SPECC1: variants seen among roughly 807,000 people sequenced by gnomAD.
The protein encoded by SPECC1 is sperm antigen with calponin homology and coiled-coil domains 1.
In SPECC1, 62 loss-of-function variants were observed where a neutral mutation model predicts 104.1. That is an observed-to-expected ratio of 0.60 (90% CI 0.49 to 0.74). The LOEUF (loss-of-function observed/expected upper bound fraction) is 0.74, where lower values mean the gene tolerates loss of function less well. Among genes scored for constraint, SPECC1 ranks in the 30% least tolerant of loss-of-function variants. SPECC1 has a pLI of 0.00. For missense variants in SPECC1, 1,306 were observed against 1,310.5 expected, an observed-to-expected ratio of 1.00 and a Z score of 0.05; for synonymous variants, 513 against 501.6, an observed-to-expected ratio of 1.02 and a Z score of -0.30.
At chr17:20,209,352 G>A (rs920131693) in intron 4 of SPECC1, among the ~76,000 whole-genome samples, 4 of 152,148 alleles carry the variant, frequency 2.6e-5, no homozygotes, top group Admixed American at 6.5e-5. Flanking sequence ...AGGGGAAAGT[G>A]GTGCCAAACC....
intron 4 of SPECC1, among the ~76,000 whole-genome samples, chr17:20,222,396 CAT>C (rs2037938542): frequency 6.6e-6 from 1 of 152,116 alleles, no homozygotes; most frequent in Admixed American, 6.5e-5. Flanking sequence ...TGAGAAGAAT[CAT>C]GTGCTGAGGA....
At chr17:20,250,989 G>T (rs2039604285) in intron 9 of SPECC1, among the ~76,000 whole-genome samples, 1 of 152,046 alleles carries the variant, frequency 6.6e-6, no homozygotes, top group Non-Finnish European at 1.5e-5. Context: ...CACTTTGGGA[G>T]GCCAAGGTAG....
intron 3 of SPECC1, among the ~76,000 whole-genome samples, chr17:20,188,326 T>G (rs1338520165): frequency 6.6e-6 from 1 of 151,356 alleles, no homozygotes; most frequent in Admixed American, 6.6e-5. Flanking sequence ...TGGTGTGATC[T>G]CGGCTCACTG....
chr17:20,095,071 G>T (rs2047580734), intron 1 of SPECC1, among the ~76,000 whole-genome samples: 1 of 152,200 alleles, frequency 6.6e-6, no homozygotes, highest in Non-Finnish European at 1.5e-5. Flanking sequence ...CTCCGGCTCT[G>T]TTCATTCATT....
intron 12 of SPECC1, among the ~76,000 whole-genome samples, chr17:20,286,800 T>C (rs970551469): frequency 2.0e-5 from 3 of 152,230 alleles, no homozygotes; most frequent in African/African-American, 7.2e-5. Context: ...AGCTCCTGGC[T>C]GCCCAGGGCT....
chr17:20,269,067 C>G (rs2040311587), intron 12 of SPECC1, among the ~76,000 whole-genome samples: 1 of 152,192 alleles, frequency 6.6e-6, no homozygotes, highest in African/African-American at 2.4e-5. Context: ...GGGCACATCC[C>G]CAATTCCTTG....
chr17:20,014,018 A>C (rs1335765423), intron 1 of SPECC1, among the ~76,000 whole-genome samples: 1 of 151,884 alleles, frequency 6.6e-6, no homozygotes, highest in Non-Finnish European at 1.5e-5. Flanking sequence ...TAGTCTGTGC[A>C]TGTGCTCGGT....
intron 1 of SPECC1, among the ~76,000 whole-genome samples, chr17:20,012,270 A>G (rs956029989): frequency 1.3e-5 from 2 of 152,080 alleles, no homozygotes; most frequent in African/African-American, 4.8e-5. Flanking sequence ...TCTCAAGTTT[A>G]TTGATGGTAA....
In SPECC1 at chr17:20,271,764, G is replaced by GT. The variant is rs905637512; in HGVS notation, c.2940+11479dup. The stretch of plus-strand genomic sequence containing the variant: ...CATCCTATTCTTTTTTTTCCCCTTT[G>GT]TTTTTTTTTCCCTTTGTTTTTTTTT... On this transcript the variant is annotated intron_variant, in intron 12 of 14. Coordinates refer to ENST00000395527, the MANE Select transcript of SPECC1 (RefSeq NM_001243439.2). Among the ~76,000 whole-genome samples, 39 of 145,770 alleles carry GT rather than the reference G, an allele frequency of 2.7e-4. No individual in the cohort carries two copies. The East Asian group carries it at 4.0e-3, about 15-fold the overall frequency.
chr17:20,302,962 T>C (rs891758934), intron 13 of SPECC1, among the ~76,000 whole-genome samples: 12 of 150,508 alleles, frequency 8.0e-5, no homozygotes, highest in Non-Finnish European at 1.5e-4. Flanking sequence ...GCATAAAACG[T>C]TGAGTTTAAA....
rs1311020798 is a variant in SPECC1, at chr17:20,117,110, T to C, written c.283+6548T>C. On this transcript the variant is annotated intron_variant, in intron 3 of 14. Transcript: ENST00000395527. ...ACGGTGGACAAAGTGCAGAATACAC[T>C]GGAAGATTTAGTACAGGGGAAAGGT... 9.2e-5 allele frequency among the ~76,000 whole-genome samples: 14 copies of C among 151,946 alleles called. No homozygotes were observed. The South Asian group carries it at 2.9e-3, about 32-fold the overall frequency.
At chr17:20,071,615 GTCT>G (rs2152482077) in intron 1 of SPECC1, among the ~76,000 whole-genome samples, 1 of 152,288 alleles carries the variant, frequency 6.6e-6, no homozygotes, top group African/African-American at 2.4e-5. Flanking sequence ...TTTTCATCCA[GTCT>G]TCTTTTTTGT....
chr17:20,028,340 T>C (rs1016168529), intron 1 of SPECC1, among the ~76,000 whole-genome samples: 2 of 152,144 alleles, frequency 1.3e-5, no homozygotes, highest in Admixed American at 6.5e-5. Flanking sequence ...TTGACTTTTT[T>C]GAAAATCATC....
At position 20,314,135 on chromosome 17, in the gene SPECC1, C is replaced by A; in HGVS notation, c.*70C>A. ...TTTCCTGGAAGCGCCTGATTACTGT[C>A]CACTGACCCTGCTCTGCCCACCACC... is the stretch of plus-strand genomic sequence containing the variant. On this transcript the variant is annotated 3_prime_UTR_variant, in exon 15 of 15. Transcript: ENST00000395527. 1.5e-6 allele frequency: 2 copies of A among 1,342,256 alleles called. No homozygotes were observed. The highest frequency in any genetic ancestry group is 1.2e-5 in the South Asian group (1 of 81,350). 83.1% of individuals were successfully genotyped at this position (1,342,256 alleles called of 1,614,324 possible). A position where few individuals can be genotyped will look rare whatever the true frequency, so the allele number is the denominator to read the frequency against.
At chr17:20,251,289 A>T (rs2039626375) in intron 9 of SPECC1, among the ~76,000 whole-genome samples, 1 of 149,014 alleles carries the variant, frequency 6.7e-6, no homozygotes, top group South Asian at 2.2e-4. Flanking sequence ...TAGTCGATAA[A>T]GATTAATATC....
At chr17:20,142,387 G>C (rs997283444) in intron 3 of SPECC1, among the ~76,000 whole-genome samples, 9 of 152,152 alleles carry the variant, frequency 5.9e-5, no homozygotes, top group Non-Finnish European at 1.0e-4. Flanking sequence ...TAGCAGCATT[G>C]TTTGCAATAA....
intron 12 of SPECC1, among the ~76,000 whole-genome samples, chr17:20,287,026 AGCCTCCCCT>A (rs963013829): frequency 6.6e-6 from 1 of 152,258 alleles, no homozygotes; most frequent in African/African-American, 2.4e-5. Context: ...TGCCGTCAGC[AGCCTCCCCT>A]GCCTCCCCTG....
At chr17:20,279,502 A>C in intron 12 of SPECC1, among the ~76,000 whole-genome samples, 1 of 151,848 alleles carries the variant, frequency 6.6e-6, no homozygotes, top group East Asian at 1.9e-4. Flanking sequence ...TTGTATTTTT[A>C]GTAGAGAAAG....
rs551940568 is a variant in SPECC1, at chr17:20,131,205, CT to C, written c.283+20647del. On this transcript the variant is annotated intron_variant, in intron 3 of 14. Coordinates refer to ENST00000395527, the MANE Select transcript of SPECC1 (RefSeq NM_001243439.2). ...GGTACAGTTTTATTTCTTCCTTTTT[CT>C]TTTGAGTCGTTTTCTTCCTCTGTTG... Among the ~76,000 whole-genome samples the C allele has an allele frequency of 1.3e-3, 200 of 152,166 alleles. 1 individual carries two copies. Among genetic ancestry groups the C allele is most frequent in the South Asian group, 2.5e-3 (12 of 4,822 alleles).
Sources: allele counts gnomAD v4.1 joint callset (sites outside exome capture counted in the v4.1 genomes callset), GRCh38; gene constraint gnomAD v4.1.1; transcripts MANE v1.5; gene names NCBI Gene and HGNC (gene_info 2026-07-23, HGNC 2026-07-21).